ANKRD24: variants seen among roughly 807,000 people sequenced by gnomAD.
The protein encoded by ANKRD24 is ankyrin repeat domain 24, also known as ankyrin repeat domain-containing protein 24.
In ANKRD24, 109 loss-of-function variants were observed where a neutral mutation model predicts 127.8. The observed-to-expected ratio is 0.85, with a 90% confidence interval of 0.73 to 1.00. ANKRD24 has a LOEUF of 1.00. Ranked by LOEUF, ANKRD24 falls within the 50% of genes least tolerant of loss-of-function variation. The pLI, the probability that ANKRD24 is intolerant of heterozygous loss-of-function variation, is 0.00. For synonymous variants in ANKRD24, 743 were observed against 671.1 expected (o/e 1.11, Z -1.66); for missense variants, 1,648 against 1,570.2 (o/e 1.05, Z -0.84).
At position 4,207,910 on chromosome 19, in the gene ANKRD24, G is replaced by C. The variant is rs1210009302; in HGVS notation, c.774G>C (p.Gly258=). 6.4e-7 allele frequency: 1 copy of C among 1,555,532 alleles called. No individual in the cohort carries two copies. Among genetic ancestry groups the C allele is most frequent in the Non-Finnish European group, 8.7e-7 (1 of 1,152,512 alleles). Residue 258 remains glycine (G), a synonymous_variant, in exon 10 of 22, where the codon GGG becomes GGC. Transcript: ENST00000318934. ...CGGCTCACTATGGCGCCCTGGCGGGGGACAAACTCATCCTGCACCTTCTGC... is the reference window on the plus strand; with the variant it reads ...CGGCTCACTATGGCGCCCTGGCGGGCGACAAACTCATCCTGCACCTTCTGC... ...QDAAHYGALA[G]DKLILHLLQE... is the part of the protein sequence containing the mutation.
rs541510038 is a variant in ANKRD24 at position 4,195,364 on chromosome 19, A to G, written c.37-4319A>G. On this transcript the variant is annotated intron_variant, in intron 2 of 21. Transcript: ENST00000318934. This position sits in a 1 kb window ranked among gnomAD's most constrained non-coding sequence, Gnocchi z 4.2. Reference sequence around the variant, plus strand: ...GCTGGGATGACAGGCGTGAGCCACCATGCCTGGCCATTTGCTCTGATCTTG... The same window carrying G: ...GCTGGGATGACAGGCGTGAGCCACCGTGCCTGGCCATTTGCTCTGATCTTG... Among the ~76,000 whole-genome samples the G allele has an allele frequency of 3.4e-4, 52 of 151,964 alleles. No homozygotes were observed. The highest frequency in any genetic ancestry group is 6.3e-4 in the Non-Finnish European group (43 of 67,976).
rs571457770 is a variant in ANKRD24, at chr19:4,185,618, G to A, written c.-36-772G>A. ...CAGGCCCAGGTGGACAGAAGTGCAC[G>A]TGTGCACACGCCCCACACTCAACGT... On this transcript the variant is annotated intron_variant, in intron 1 of 21. Coordinates refer to ENST00000318934, the MANE Select transcript of ANKRD24 (RefSeq NM_001393985.1). 1.7e-4 allele frequency among the ~76,000 whole-genome samples: 26 copies of A among 152,346 alleles called. No homozygotes were observed. The East Asian group carries it at 4.6e-3, about 27-fold the overall frequency.
chr19:4,224,046 T>G (rs1599479136), intron 20 of ANKRD24, 81 bp from the exon 21 acceptor site: 16 of 1,130,600 alleles, frequency 1.4e-5, no homozygotes, highest in East Asian at 1.0e-4. Context: ...AGGCTTGGGG[T>G]GCAAAGGGTG....
chr19:4,207,990 A>C, intron 10 of ANKRD24, 22 bp downstream of exon 10: 1 of 1,451,382 alleles, frequency 6.9e-7, no homozygotes, highest in Non-Finnish European at 9.1e-7. Flanking sequence ...CCACCTCCCC[A>C]ATGCATTTGC....
intron 2 of ANKRD24, among the ~76,000 whole-genome samples, chr19:4,193,659 A>C (rs2145239845): frequency 6.6e-6 from 1 of 151,922 alleles, no homozygotes; most frequent in South Asian, 2.1e-4. Context: ...CAACATGGTG[A>C]TACCCCGTCT....
chr19:4,207,913 C>G lies in ANKRD24; in HGVS notation c.777C>G (p.Asp259Glu). The change falls in exon 10 of 22, where the codon GAC (aspartate) becomes GAG (glutamate). Residue 259 changes from aspartate (D) to glutamate (E), a missense_variant. Asp to Glu is a conservative substitution (Grantham distance 45). Coordinates refer to ENST00000318934, the MANE Select transcript of ANKRD24 (RefSeq NM_001393985.1). ...DAAHYGALAGDKLILHLLQEA... is the reference protein window; with the variant it reads ...DAAHYGALAGEKLILHLLQEA... ...CTCACTATGGCGCCCTGGCGGGGGACAAACTCATCCTGCACCTTCTGCAAG... is the reference window on the plus strand; with the variant it reads ...CTCACTATGGCGCCCTGGCGGGGGAGAAACTCATCCTGCACCTTCTGCAAG... 6.4e-7 allele frequency: 1 copy of G among 1,554,734 alleles called. No individual in the cohort carries two copies. Among genetic ancestry groups the G allele is most frequent in the South Asian group, 1.2e-5 (1 of 82,036 alleles).
intron 1 of ANKRD24, among the ~76,000 whole-genome samples, chr19:4,186,075 C>T (rs1968044675): frequency 6.6e-6 from 1 of 152,108 alleles, no homozygotes; most frequent in African/African-American, 2.4e-5. Context: ...GCAGGAAATA[C>T]CAGTGAGATG....
intron 18 of ANKRD24, 103 bp from the exon 19 acceptor site, chr19:4,219,488 A>G: frequency 7.1e-7 from 1 of 1,399,616 alleles, no homozygotes; most frequent in Non-Finnish European, 9.6e-7. Context: ...CTTAAAAAAA[A>G]TCCAAAAACA....
intron 15 of ANKRD24, among the ~76,000 whole-genome samples, chr19:4,213,940 AAGG>A (rs1233603367): frequency 6.6e-6 from 1 of 152,010 alleles, no homozygotes; most frequent in African/African-American, 2.4e-5. Context: ...CAGACCCAGA[AAGG>A]AGTTTTCTCT....
At chr19:4,210,010 A>C in intron 11 of ANKRD24, 48 bp from the exon 12 acceptor site, 9 of 1,153,056 alleles carry the variant, frequency 7.8e-6, no homozygotes, top group Non-Finnish European at 1.1e-5. Flanking sequence ...GGAGGCTGGC[A>C]TGGCCCCCCG....
intron 2 of ANKRD24, among the ~76,000 whole-genome samples, chr19:4,193,297 C>A (rs372809484): frequency 1.2e-3 from 111 of 90,658 alleles, no homozygotes; most frequent in African/African-American, 1.4e-3. Context: ...GCGACTCCAT[C>A]AAAAAAAAAA....
At position 4,216,746 on chromosome 19, in the gene ANKRD24, G is replaced by C. The variant is rs757439607; in HGVS notation, c.1586G>C (p.Ser529Thr). Residue 529 changes from serine (S) to threonine (T), a missense_variant, in exon 18 of 22, where the codon AGT (serine) becomes ACT (threonine). Ser to Thr is a moderately conservative substitution (Grantham distance 58, BLOSUM62 1). Coordinates refer to ENST00000318934, the MANE Select transcript of ANKRD24 (RefSeq NM_001393985.1). ...PREEGAACGE[S>T]EVAGATATKN... Reference sequence around the variant, plus strand: ...GAAGAGGGGGCAGCCTGTGGGGAGAGTGAGGTTGCTGGAGCCACGGCCACC... The same window carrying C: ...GAAGAGGGGGCAGCCTGTGGGGAGACTGAGGTTGCTGGAGCCACGGCCACC... 1 of 1,580,580 alleles carries C rather than the reference G, an allele frequency of 6.3e-7. No individual in the cohort carries two copies. The highest frequency in any genetic ancestry group is 1.2e-5 in the South Asian group (1 of 86,838).
chr19:4,193,850 A>AGGAAGGAT (rs1968535622), intron 2 of ANKRD24, among the ~76,000 whole-genome samples: 2 of 38,396 alleles, frequency 5.2e-5, no homozygotes, highest in African/African-American at 1.4e-4. Context: ...GGAGGGAGGA[A>AGGAAGGAT]GGAAGGAAGG....
In ANKRD24 at chr19:4,216,320, C is replaced by T. The variant is rs368327843; in HGVS notation, c.1307C>T (p.Ser436Leu). Residue 436 changes from serine to leucine, a missense_variant, in exon 17 of 22, where the codon TCG becomes TTG. Physicochemically the swap from Ser to Leu is moderately radical, Grantham distance 145. Coordinates refer to ENST00000318934, the MANE Select transcript of ANKRD24 (RefSeq NM_001393985.1). ...CTGCTGTCCAGACAACTCAGTCCGT[C>T]GGCCCAGGAACACCTGGCCTCGCTG... ...EVLLSRQLSP[S>L]AQEHLASLQE... 140 of 1,562,622 alleles carry T rather than the reference C, an allele frequency of 9.0e-5. No homozygotes were observed. Among genetic ancestry groups the T allele is most frequent in the Non-Finnish European group, 1.2e-4 (134 of 1,153,498 alleles).
At chr19:4,207,190 C>G in intron 7 of ANKRD24, 52 bp from the exon 8 acceptor site, 16 of 1,550,422 alleles carry the variant, frequency 1.0e-5, no homozygotes, top group Non-Finnish European at 1.2e-5. Flanking sequence ...TCCCAAGGTG[C>G]TGGGATTACA....
chr19:4,214,707 A>T (rs1969959828), intron 15 of ANKRD24, among the ~76,000 whole-genome samples: 1 of 152,098 alleles, frequency 6.6e-6, no homozygotes, highest in Admixed American at 6.6e-5. Context: ...TACAAAAATT[A>T]GCCGGGTGTG....
chr19:4,212,757 C>A, intron 15 of ANKRD24, 59 bp downstream of exon 15: 1 of 1,455,686 alleles, frequency 6.9e-7, no homozygotes, highest in Non-Finnish European at 9.3e-7. Flanking sequence ...TTCTCTCCTA[C>A]AGCAGCGACA....
intron 10 of ANKRD24, among the ~76,000 whole-genome samples, chr19:4,208,411 TC>T (rs1427454058): frequency 6.6e-6 from 1 of 152,094 alleles, no homozygotes; most frequent in Non-Finnish European, 1.5e-5. Context: ...TAGCTGGAAC[TC>T]CAGGTGCCTG....
chr19:4,203,520 A>C (rs1006795851), intron 7 of ANKRD24, among the ~76,000 whole-genome samples: 17 of 150,490 alleles, frequency 1.1e-4, no homozygotes, highest in Non-Finnish European at 2.4e-4. Context: ...CTAATATTTT[A>C]AATTTATTTG....
Sources: gnomAD v4.1 joint callset for allele counts (sites outside exome capture counted in the v4.1 genomes callset) on GRCh38, gnomAD v4.1.1 for gene constraint, Gnocchi (gnomAD v3.1) non-coding constraint, MANE v1.5 for transcripts, NCBI Gene and HGNC (gene_info 2026-07-23, HGNC 2026-07-21) for gene names.